The following ZNF564 variants were observed in gnomAD, a reference collection of about 807,000 sequenced individuals.
The protein encoded by ZNF564 is zinc finger protein 564.
Under a neutral mutation model 10.5 loss-of-function variants are expected in ZNF564, and 5 were observed. The ratio of observed to expected loss-of-function variants is 0.48; its 90% CI spans 0.25 to 1.00. The LOEUF (loss-of-function observed/expected upper bound fraction) is 1.00, where lower values mean the gene tolerates loss of function less well. Ranked by LOEUF, ZNF564 falls within the 50% of genes least tolerant of loss-of-function variation. The pLI is 0.16. For synonymous variants in ZNF564, 242 were observed against 218.1 expected (o/e 1.11, Z -0.97); for missense variants, 603 against 669.7 (o/e 0.90, Z 1.10).
intron 1 of ZNF564, among the ~76,000 whole-genome samples, chr19:12,534,745 T>C (rs541623419): frequency 6.6e-6 from 1 of 151,862 alleles, no homozygotes; most frequent in African/African-American, 2.4e-5. Context: ...GCCCAGGAGG[T>C]GGAGGCTGCA....
intron 3 of ZNF564, 65 bp from the exon 4 acceptor site, chr19:12,527,981 T>A (rs1345806992): frequency 6.8e-7 from 1 of 1,480,412 alleles, no homozygotes; most frequent in African/African-American, 1.4e-5. Flanking sequence ...GGTATTCGAC[T>A]TACATTTTTA....
Position 12,527,065 on chromosome 19 carries a change from G to C in ZNF564, c.1043C>G (p.Ser348Cys). ...ECNKCGKTFSSSSNVRTHERT... is the reference protein window; with the variant it reads ...ECNKCGKTFSCSSNVRTHERT... The stretch of plus-strand genomic sequence containing the variant: ...TTCATGTGTTCGAACATTACTGGAA[G>C]AACTGAAGGTTTTACCACATTTATT... The change falls in exon 4 of 4, where the codon TCT becomes TGT. Residue 348 changes from serine to cysteine, a missense_variant. Coordinates refer to ENST00000339282, the MANE Select transcript of ZNF564 (RefSeq NM_144976.4). 3.7e-6 allele frequency: 6 copies of C among 1,613,908 alleles called. No homozygotes were observed. Among genetic ancestry groups the C allele is most frequent in the Non-Finnish European group, 5.1e-6 (6 of 1,179,972 alleles).
At position 12,527,534 on chromosome 19, in the gene ZNF564, T is replaced by C. The variant is rs1042123545; in HGVS notation, c.574A>G (p.Thr192Ala). Residue 192 changes from threonine (T) to alanine (A), a missense_variant, in exon 4 of 4, where the codon ACT becomes GCT. Physicochemically the swap from Thr to Ala is moderately conservative, Grantham distance 58 (BLOSUM62 0). Transcript: ENST00000339282. ...TGACATTTATATGGTCCATCTCCAG[T>C]GTGCTTAATCATGTGTCTTCGAACA... ...PSVRRHMIKHTGDGPYKCQEC... is the reference protein window; with the variant it reads ...PSVRRHMIKHAGDGPYKCQEC... 6 of 1,613,946 alleles carry C rather than the reference T, an allele frequency of 3.7e-6. No individual in the cohort carries two copies. The African/African-American group carries it at 4.0e-5, about 11-fold the overall frequency.
Position 12,527,606 on chromosome 19 carries a change from G to T in ZNF564, c.502C>A (p.Pro168Thr), listed in dbSNP as rs1195051780. ...RHERTHTGEKPYACPECGKAF... is the reference protein window; with the variant it reads ...RHERTHTGEKTYACPECGKAF... ...TTCCCACATTCCGGACATGCATAGG[G>T]TTTCTCACCAGTGTGAGTTCTTTCA... Residue 168 changes from proline (P) to threonine (T), a missense_variant, in exon 4 of 4, where the codon CCC (proline) becomes ACC (threonine). By Grantham distance (38) the Pro-to-Thr change is conservative. Transcript: ENST00000339282. 6.2e-7 allele frequency: 1 copy of T among 1,614,074 alleles called. No homozygotes were observed. Among genetic ancestry groups the T allele is most frequent in the South Asian group, 1.1e-5 (1 of 91,088 alleles).
intron 1 of ZNF564, among the ~76,000 whole-genome samples, chr19:12,536,753 T>C (rs1599281707): frequency 6.6e-6 from 1 of 152,136 alleles, no homozygotes; most frequent in East Asian, 1.9e-4. Flanking sequence ...TCCCAACACT[T>C]TGGGAAGCCG....
intron 1 of ZNF564, among the ~76,000 whole-genome samples, chr19:12,542,933 C>G (rs2022085093): frequency 6.6e-6 from 1 of 151,282 alleles, no homozygotes; most frequent in African/African-American, 2.4e-5. Context: ...ATCCCGGAGG[C>G]AGAGTTTGCA....
At chr19:12,542,961 C>T (rs1479061779) in intron 1 of ZNF564, among the ~76,000 whole-genome samples, 1 of 151,060 alleles carries the variant, frequency 6.6e-6, no homozygotes, top group Non-Finnish European at 1.5e-5. Flanking sequence ...AAGATCATGC[C>T]GTTGCACTCT....
intron 1 of ZNF564, among the ~76,000 whole-genome samples, chr19:12,547,868 G>A (rs901943933): frequency 2.4e-4 from 36 of 150,908 alleles, no homozygotes; most frequent in Non-Finnish European, 4.4e-4. Context: ...CTGGAGTGCA[G>A]TGGCACGATC....
intron 1 of ZNF564, among the ~76,000 whole-genome samples, chr19:12,548,427 G>A (rs2022193580): frequency 6.6e-6 from 1 of 151,964 alleles, no homozygotes; most frequent in Non-Finnish European, 1.5e-5. Context: ...GTGTTAGCCA[G>A]GATGGTTTCC....
Position 12,527,158 on chromosome 19 carries a change from G to A in ZNF564, c.950C>T (p.Ala317Val). 2 of 1,614,056 alleles carry A rather than the reference G, an allele frequency of 1.2e-6. No individual in the cohort carries two copies. Among genetic ancestry groups the A allele is most frequent in the Non-Finnish European group, 1.7e-6 (2 of 1,180,008 alleles). ...TCGAACATAACTGGGAAAAATAAAGGCTCTCCCACATACTTTACATTTATA... is the reference window on the plus strand; with the variant it reads ...TCGAACATAACTGGGAAAAATAAAGACTCTCCCACATACTTTACATTTATA... ...GPYKCKVCGRAFIFPSYVRKH... is the reference protein window; with the variant it reads ...GPYKCKVCGRVFIFPSYVRKH... The change falls in exon 4 of 4, where the codon GCC (alanine) becomes GTC (valine). Residue 317 changes from alanine to valine, a missense_variant. Transcript: ENST00000339282.
intron 1 of ZNF564, chr19:12,549,005 A>G (rs2022204109): frequency 1.6e-6 from 1 of 635,490 alleles, no homozygotes; most frequent in Non-Finnish European, 2.8e-6. Flanking sequence ...CTCAAGGCTA[A>G]GTTCTGGGAT....
rs543197021 is a variant in ZNF564, at chr19:12,527,870, A to G, written c.238T>C (p.Cys80Arg). 2.5e-6 allele frequency: 4 copies of G among 1,613,162 alleles called. No individual in the cohort carries two copies. The African/African-American group carries it at 5.3e-5, about 21-fold the overall frequency. Residue 80 changes from cysteine to arginine, a missense_variant, in exon 4 of 4, where the codon TGT (cysteine) becomes CGT (arginine). Cys to Arg is a radical substitution (Grantham distance 180). Transcript: ENST00000339282. Reference sequence around the variant, plus strand: ...AGAATCTGACTGAAGGCTTCTCCACATTGATCATATTCTTTACTTTCACTG... The same window carrying G: ...AGAATCTGACTGAAGGCTTCTCCACGTTGATCATATTCTTTACTTTCACTG... ...GLSESKEYDQCGEAFSQILNL... is the reference protein window; with the variant it reads ...GLSESKEYDQRGEAFSQILNL...
intron 1 of ZNF564, among the ~76,000 whole-genome samples, chr19:12,540,818 C>T (rs1313218973): frequency 6.6e-6 from 1 of 151,814 alleles, no homozygotes; most frequent in Non-Finnish European, 1.5e-5. Context: ...GGCACCACTG[C>T]ACTCCAGCCT....
intron 1 of ZNF564, among the ~76,000 whole-genome samples, chr19:12,537,858 T>C (rs1396997600): frequency 6.6e-6 from 1 of 152,162 alleles, no homozygotes; most frequent in Non-Finnish European, 1.5e-5. Context: ...ATGCTACCAA[T>C]TTGCTTAATT....
chr19:12,550,102 G>C (rs1477233566), intron 1 of ZNF564: 1 of 151,834 alleles, frequency 6.6e-6, no homozygotes, highest in East Asian at 1.9e-4. Flanking sequence ...AGACCAGCCT[G>C]GCCAACATGG....
rs990014719 is a variant in ZNF564, at chr19:12,548,892, T to A, written c.3+2438A>T. 4 of 702,208 alleles carry A rather than the reference T, an allele frequency of 5.7e-6. No individual in the cohort carries two copies. In the South Asian group the frequency reaches 5.9e-5, roughly 10 times the overall value. 43.5% of individuals were successfully genotyped at this position (702,208 alleles called of 1,614,324 possible). A position where few individuals can be genotyped will look rare whatever the true frequency, so the allele number is the denominator to read the frequency against. On this transcript the variant is annotated intron_variant, in intron 1 of 3. Transcript: ENST00000339282. Reference sequence around the variant, plus strand: ...AAAGGAGAAGATATTTTAGAGAATCTCTGTATTTCACCAATTAATGTGGAA... The same window carrying A: ...AAAGGAGAAGATATTTTAGAGAATCACTGTATTTCACCAATTAATGTGGAA...
chr19:12,543,673 CAAAA>C (rs57611686), intron 1 of ZNF564, among the ~76,000 whole-genome samples: 5 of 62,244 alleles, frequency 8.0e-5, no homozygotes, highest in African/African-American at 2.1e-4. Context: ...GACTTCGTCT[CAAAA>C]AAAAAAAAAA....
chr19:12,528,100 T>C (rs1295576872), intron 3 of ZNF564, among the ~76,000 whole-genome samples, 184 bp from the exon 4 acceptor site: 1 of 152,186 alleles, frequency 6.6e-6, no homozygotes, highest in Non-Finnish European at 1.5e-5. Flanking sequence ...AAAAAAGTGA[T>C]ATCCATATAT....
At chr19:12,533,464 C>T (rs1269664015) in intron 1 of ZNF564, among the ~76,000 whole-genome samples, 3 of 152,214 alleles carry the variant, frequency 2.0e-5, no homozygotes, top group Admixed American at 1.3e-4. Context: ...CAGTGGCTCA[C>T]GCCTATAATC....
Sources: allele counts gnomAD v4.1 joint callset (sites outside exome capture counted in the v4.1 genomes callset), GRCh38; gene constraint gnomAD v4.1.1; transcripts MANE v1.5; gene names NCBI Gene and HGNC (gene_info 2026-07-23, HGNC 2026-07-21).